The following MAP4 variants were observed in gnomAD, a reference collection of about 807,000 sequenced individuals.
MAP4 encodes microtubule associated protein 4.
MAP4 carries 76 observed loss-of-function variants against 170.2 expected under a neutral mutation model. The observed-to-expected ratio is 0.45, with a 90% CI of 0.37 to 0.54. The LOEUF is 0.54. MAP4 is among the 20% of genes least tolerant of loss of function. The pLI is 0.00. For missense variants in MAP4, 2,506 were observed against 2,748.0 expected (o/e 0.91, Z 1.97); for synonymous variants, 909 against 994.5 (o/e 0.91, Z 1.62).
chr3:47,934,021 T>C (rs555372079), intron 3 of MAP4, among the ~76,000 whole-genome samples: 50 of 152,292 alleles, frequency 3.3e-4, no homozygotes, highest in African/African-American at 1.1e-3. Context: ...TCATCACCAT[T>C]TCAGTAGATA....
At position 47,910,903 on chromosome 3, in the gene MAP4, C is replaced by A. The variant is rs762715104; in HGVS notation, c.3518G>T (p.Ser1173Ile). Residue 1173 changes from serine (S) to isoleucine (I), a missense_variant, in exon 9 of 21, where the codon AGC (serine) becomes ATC (isoleucine). Ser to Ile is a moderately radical substitution (Grantham distance 142, BLOSUM62 -2). Around this residue, in one of 3 missense-constraint regions of MAP4, gnomAD observed 2,008 missense variants for 2,206.0 expected, o/e 0.91. Coordinates refer to ENST00000683076, the MANE Select transcript of MAP4 (RefSeq NM_001385682.1). ...TTTGACTACATCTCCTGTTTCTGTG[C>A]TAACACCAGAAGTCTGAGTCATGCC... The part of the protein sequence containing the change: ...GSGMTQTSGV[S>I]TETGDVVKDM... The A allele has an allele frequency of 4.2e-5, 65 of 1,536,014 alleles. No homozygotes were observed. The highest frequency in any genetic ancestry group is 1.2e-5 in the South Asian group (1 of 84,068).
chr3:47,961,502 C>G (rs1376031658), intron 3 of MAP4, among the ~76,000 whole-genome samples: 2 of 152,094 alleles, frequency 1.3e-5, no homozygotes, highest in Non-Finnish European at 2.9e-5. Flanking sequence ...TATATGGGAG[C>G]TCAAATGTGT....
chr3:47,864,590 T>C (rs1457380621), intron 17 of MAP4, among the ~76,000 whole-genome samples: 1 of 152,140 alleles, frequency 6.6e-6, no homozygotes, highest in African/African-American at 2.4e-5. Context: ...AGCAGGAGAA[T>C]AGCATCAATC....
intron 3 of MAP4, among the ~76,000 whole-genome samples, chr3:47,952,304 G>A (rs1379865424): frequency 6.6e-6 from 1 of 152,122 alleles, no homozygotes; most frequent in Admixed American, 6.5e-5. Flanking sequence ...ATCCGGGAGG[G>A]AGGTGAGGGG....
chr3:47,877,983 G>A (rs2095858776), intron 10 of MAP4, among the ~76,000 whole-genome samples: 1 of 152,174 alleles, frequency 6.6e-6, no homozygotes, highest in Non-Finnish European at 1.5e-5. Context: ...ACCACTTTAT[G>A]GAGGATGTGA....
At chr3:48,037,409 T>G (rs2100119277) in intron 1 of MAP4, among the ~76,000 whole-genome samples, 1 of 152,204 alleles carries the variant, frequency 6.6e-6, no homozygotes, top group Non-Finnish European at 1.5e-5. Context: ...TTTATTTATT[T>G]ATGAGACAGG....
At chr3:47,874,826 CCA>C (rs2094726062) in intron 12 of MAP4, among the ~76,000 whole-genome samples, 1 of 152,210 alleles carries the variant, frequency 6.6e-6, no homozygotes, top group South Asian at 2.1e-4. Flanking sequence ...CTCCTAGGTT[CCA>C]CAGTTTTCTT....
intron 3 of MAP4, among the ~76,000 whole-genome samples, chr3:47,963,638 A>G (rs998409213): frequency 1.3e-5 from 2 of 152,222 alleles, no homozygotes; most frequent in African/African-American, 4.8e-5. Flanking sequence ...ATAGATATTA[A>G]AGATTATTCA....
chr3:48,083,547 G>A (rs2100147636), intron 1 of MAP4, among the ~76,000 whole-genome samples: 1 of 151,232 alleles, frequency 6.6e-6, no homozygotes, highest in African/African-American at 2.4e-5. Context: ...TGTATTTTTA[G>A]TAGAGACGGG....
intron 1 of MAP4, among the ~76,000 whole-genome samples, chr3:48,055,257 C>A (rs963227503): frequency 5.9e-5 from 9 of 151,770 alleles, no homozygotes; most frequent in Non-Finnish European, 1.3e-4. Context: ...GTCTCCCTCT[C>A]ATGCGGAGCC....
At chr3:48,072,710 C>T (rs1009760945) in intron 1 of MAP4, among the ~76,000 whole-genome samples, 1 of 152,098 alleles carries the variant, frequency 6.6e-6, no homozygotes, top group Non-Finnish European at 1.5e-5. Flanking sequence ...ATTGCCTTTC[C>T]TGGACCTCAG....
rs1326637453 is a variant in MAP4 at position 47,910,318 on chromosome 3, C to T, written c.4103G>A (p.Ser1368Asn). ...AGGAGAACTATTTTTAACCTTTTTA[C>T]TTTTTCCATCATTACTCCTTTTACT... ...KPSKRSNDGK[S>N]KKVKNSSPEK... Residue 1368 changes from serine to asparagine, a missense_variant, in exon 9 of 21, where the codon AGT becomes AAT. By Grantham distance (46) the Ser-to-Asn change is conservative. Transcript: ENST00000683076. The T allele has an allele frequency of 3.8e-6, 6 of 1,560,922 alleles. No individual in the cohort carries two copies. Among genetic ancestry groups the T allele is most frequent in the South Asian group, 3.5e-5 (3 of 86,690 alleles).
chr3:47,910,140 A>G lies in MAP4; in HGVS notation c.4281T>C (p.Asn1427=), dbSNP rs1009686626. 2 of 1,613,822 alleles carry G rather than the reference A, an allele frequency of 1.2e-6. No homozygotes were observed. Among genetic ancestry groups the G allele is most frequent in the African/African-American group, 2.7e-5 (2 of 74,886 alleles). Residue 1427 remains asparagine, a synonymous_variant, in exon 9 of 21, where the codon AAT becomes AAC. Transcript: ENST00000683076. The part of the protein sequence containing the change: ...TCPRTPSELI[N]KSSPLEVLES... ...CCAGAACCTCTAGAGGAGATGATTT[A>G]TTTATCAGCTCTGATGGTGTTCTGG...
chr3:47,965,978 T>C (rs540573575), intron 3 of MAP4, among the ~76,000 whole-genome samples: 3 of 152,294 alleles, frequency 2.0e-5, no homozygotes, highest in African/African-American at 7.2e-5. Flanking sequence ...TTTCCCTCTA[T>C]GTTTTCTTCT....
rs1202985433 is a variant in MAP4, at chr3:47,910,643, T to C, written c.3778A>G (p.Ile1260Val). Reference sequence around the variant, plus strand: ...TGCATTTTGGGGAAAGTAAATCCTATTTCCTTGCTTTTATGGGGAATACTA... The same window carrying C: ...TGCATTTTGGGGAAAGTAAATCCTACTTCCTTGCTTTTATGGGGAATACTA... The part of the protein sequence containing the change: ...TGSIPHKSKE[I>V]GFTFPKMHDS... Residue 1260 changes from isoleucine to valine, a missense_variant, in exon 9 of 21, where the codon ATA (isoleucine) becomes GTA (valine). Ile to Val is a conservative substitution (Grantham distance 29). Coordinates refer to ENST00000683076, the MANE Select transcript of MAP4 (RefSeq NM_001385682.1). The C allele has an allele frequency of 6.5e-7, 1 of 1,536,136 alleles. No individual in the cohort carries two copies. Among genetic ancestry groups the C allele is most frequent in the South Asian group, 1.2e-5 (1 of 84,064 alleles).
intron 1 of MAP4, among the ~76,000 whole-genome samples, chr3:48,009,362 A>G (rs1035424446): frequency 6.6e-6 from 1 of 152,166 alleles, no homozygotes; most frequent in African/African-American, 2.4e-5. Flanking sequence ...CGGCCTCCCA[A>G]AGTGCTGGGA....
At chr3:47,898,985 C>T (rs1359929262) in intron 10 of MAP4, among the ~76,000 whole-genome samples, 2 of 152,026 alleles carry the variant, frequency 1.3e-5, no homozygotes, top group African/African-American at 4.8e-5. Context: ...CACAGAACAC[C>T]CTGAGAATGG....
chr3:47,941,714 G>A (rs1234404462), intron 3 of MAP4, among the ~76,000 whole-genome samples: 1 of 150,716 alleles, frequency 6.6e-6, no homozygotes, highest in Non-Finnish European at 1.5e-5. Flanking sequence ...TTGAACCCGG[G>A]AGGCAGAGGT....
intron 2 of MAP4, among the ~76,000 whole-genome samples, chr3:47,983,469 C>T (rs2100086622): frequency 6.6e-6 from 1 of 152,162 alleles, no homozygotes; most frequent in Non-Finnish European, 1.5e-5. Context: ...TCACTGCAAC[C>T]TCTGCCTCCC....
Sources: allele counts gnomAD v4.1 joint callset (sites outside exome capture counted in the v4.1 genomes callset), GRCh38; gene constraint gnomAD v4.1.1; regional missense constraint gnomAD v4.1.1; transcripts MANE v1.5; gene names NCBI Gene and HGNC (gene_info 2026-07-23, HGNC 2026-07-21).